The following PAPSS2 variants were observed in gnomAD, a reference collection of about 807,000 sequenced individuals.
PAPSS2 encodes the protein bifunctional 3'-phosphoadenosine 5'-phosphosulfate synthase 2.
In PAPSS2, 61 loss-of-function variants were observed where a neutral mutation model predicts 66.5. The ratio of observed to expected loss-of-function variants is 0.92; its 90% CI spans 0.75 to 1.14. PAPSS2 has a LOEUF of 1.14. PAPSS2 is among the 50% of genes most tolerant of loss of function. PAPSS2 has a pLI of 0.00. For missense variants in PAPSS2, 708 were observed against 789.6 expected, an observed-to-expected ratio of 0.90 and a Z score of 1.24; for synonymous variants, 289 against 287.5, an observed-to-expected ratio of 1.01 and a Z score of -0.05.
intron 8 of PAPSS2, among the ~76,000 whole-genome samples, chr10:87,726,676 G>A (rs7088594): frequency 0.52 from 79,089 of 151,960 alleles, 21,798 homozygotes; most frequent in East Asian, 0.71. Flanking sequence ...CCCAGATTGT[G>A]GCTGATTAGT....
At chr10:87,684,365 G>A (rs1254461971) in intron 1 of PAPSS2, among the ~76,000 whole-genome samples, 1 of 152,180 alleles carries the variant, frequency 6.6e-6, no homozygotes, top group Non-Finnish European at 1.5e-5. Flanking sequence ...TTTCACAGTT[G>A]CAAAGGTAAG....
chr10:87,703,690 T>G, intron 1 of PAPSS2: 1 of 516,810 alleles, frequency 1.9e-6, no homozygotes, highest in South Asian at 1.4e-5. Context: ...CAGGTCTGCT[T>G]GACTCCAAAA....
In PAPSS2 at chr10:87,714,874, C is replaced by T. The variant is rs748981939; in HGVS notation, c.639+11C>T. On this transcript the variant is annotated intron_variant, in intron 5 of 12. Coordinates refer to ENST00000456849, the MANE Select transcript of PAPSS2 (RefSeq NM_001015880.2). ...CTTCTGCAAGAGCAGGTAGGTGAAC[C>T]GGTTGTCTTTTTTTATATGTTTAAT... 73 of 1,533,064 alleles carry T rather than the reference C, an allele frequency of 4.8e-5. 1 individual carries two copies. The highest frequency in any genetic ancestry group is 1.6e-4 in the African/African-American group (12 of 73,300). The allele number at this position is 1,533,064 out of a possible 1,614,324, so 95.0% of individuals were successfully genotyped here.
intron 1 of PAPSS2, among the ~76,000 whole-genome samples, chr10:87,704,946 T>C (rs1853364181): frequency 6.6e-6 from 1 of 152,214 alleles, no homozygotes. Flanking sequence ...ACAGCCTCGT[T>C]TGCTTACTTT....
At chr10:87,689,446 G>A (rs1853137372) in intron 1 of PAPSS2, among the ~76,000 whole-genome samples, 1 of 151,926 alleles carries the variant, frequency 6.6e-6, no homozygotes, top group Non-Finnish European at 1.5e-5. Flanking sequence ...CGAGGCAGGT[G>A]GATCACCTGA....
intron 10 of PAPSS2, among the ~76,000 whole-genome samples, chr10:87,742,279 A>G (rs1045973640): frequency 6.6e-5 from 10 of 152,214 alleles, no homozygotes; most frequent in African/African-American, 2.2e-4. Flanking sequence ...GTTCTGGAAA[A>G]CAAAATAAAA....
At chr10:87,680,584 A>G (rs1381797132) in intron 1 of PAPSS2, among the ~76,000 whole-genome samples, 2 of 151,856 alleles carry the variant, frequency 1.3e-5, no homozygotes, top group Non-Finnish European at 2.9e-5. Context: ...GTCATGACCC[A>G]TATTTTTAAA....
At chr10:87,713,918 G>A (rs1853499837) in intron 3 of PAPSS2, 126 bp from the exon 4 acceptor site, 1 of 950,538 alleles carries the variant, frequency 1.1e-6, no homozygotes, top group African/African-American at 1.6e-5. Context: ...TTTCTCTCAA[G>A]CACTCTGCAA....
chr10:87,689,356 CA>C (rs1241667466), intron 1 of PAPSS2, among the ~76,000 whole-genome samples: 6 of 125,076 alleles, frequency 4.8e-5, no homozygotes, highest in African/African-American at 1.0e-4. Context: ...AAAAAAAAAA[CA>C]AAAAAAACCC....
At chr10:87,736,263 C>CTTTTTTTTTTTT (rs10553485) in intron 9 of PAPSS2, among the ~76,000 whole-genome samples, 23 of 103,238 alleles carry the variant, frequency 2.2e-4, no homozygotes, top group Non-Finnish European at 3.3e-4. Flanking sequence ...TTCTTTCTTT[C>CTTTTTTTTTTTT]TTTTTTTTTT....
chr10:87,685,553 T>C (rs375909837), intron 1 of PAPSS2, among the ~76,000 whole-genome samples: 12 of 152,116 alleles, frequency 7.9e-5, no homozygotes, highest in Admixed American at 4.6e-4. Flanking sequence ...CATGATGATG[T>C]ATACCTGCAG....
intron 9 of PAPSS2, among the ~76,000 whole-genome samples, chr10:87,735,508 A>C (rs1853787307): frequency 6.6e-6 from 1 of 152,212 alleles, no homozygotes; most frequent in South Asian, 2.1e-4. Context: ...CTAAGCAATG[A>C]GGAGAAAGTA....
intron 9 of PAPSS2, among the ~76,000 whole-genome samples, chr10:87,732,826 A>G (rs1311402313): frequency 6.6e-6 from 1 of 152,198 alleles, no homozygotes; most frequent in African/African-American, 2.4e-5. Flanking sequence ...TGTCTTTGAC[A>G]ATATTTTCAG....
rs1369994365 is a variant in PAPSS2, at chr10:87,744,998, C to G, written c.1492-4C>G. ...CCAGCATGTCCCTTATGGACATTTT[C>G]TAGGTCCAGTGGCACTGCAGGTCCC... is the stretch of plus-strand genomic sequence containing the variant. On this transcript the variant is annotated splice_region_variant and splice_polypyrimidine_tract_variant and intron_variant, in intron 11 of 12. Transcript: ENST00000456849. 6.2e-7 allele frequency: 1 copy of G among 1,612,742 alleles called. No homozygotes were observed. Among genetic ancestry groups the G allele is most frequent in the Non-Finnish European group, 8.5e-7 (1 of 1,178,898 alleles).
Position 87,659,898 on chromosome 10 carries a change from CTG to C in PAPSS2, c.-83_-82del, listed in dbSNP as rs1852725074. 6.4e-6 allele frequency: 9 copies of C among 1,406,476 alleles called. No individual in the cohort carries two copies. Among genetic ancestry groups the C allele is most frequent in the East Asian group, 2.3e-5 (1 of 43,094 alleles). The allele number at this position is 1,406,476 out of a possible 1,614,324, so 87.1% of individuals were successfully genotyped here. A position where few individuals can be genotyped will look rare whatever the true frequency, so the allele number is the denominator to read the frequency against. ...CCGGCAGCCGCTGCTGCTGCTGCTGCTGCTGCTGCCGCCGCCGCCGCCGCCGT... is the reference window on the plus strand; with the variant it reads ...CCGGCAGCCGCTGCTGCTGCTGCTGCCTGCTGCCGCCGCCGCCGCCGCCGT... On this transcript the variant is annotated 5_prime_UTR_variant, in exon 1 of 13. Coordinates refer to ENST00000456849, the MANE Select transcript of PAPSS2 (RefSeq NM_001015880.2).
intron 1 of PAPSS2, among the ~76,000 whole-genome samples, chr10:87,672,655 T>TA (rs1211830224): frequency 4.6e-5 from 7 of 151,374 alleles, no homozygotes; most frequent in African/African-American, 7.3e-5. Context: ...AGTGACTACT[T>TA]AAAAAAAAAG....
chr10:87,712,816 G>A (rs538639241), intron 2 of PAPSS2, among the ~76,000 whole-genome samples: 1 of 152,076 alleles, frequency 6.6e-6, no homozygotes, highest in East Asian at 1.9e-4. Context: ...AACACATCGA[G>A]GACCACATGT....
At chr10:87,720,489 T>C (rs1853580642) in intron 7 of PAPSS2, among the ~76,000 whole-genome samples, 1 of 152,254 alleles carries the variant, frequency 6.6e-6, no homozygotes, top group East Asian at 1.9e-4. Flanking sequence ...TATCATTTAA[T>C]TGTAACCAAT....
chr10:87,709,689 T>C (rs1025300816), intron 2 of PAPSS2, among the ~76,000 whole-genome samples: 3 of 152,240 alleles, frequency 2.0e-5, no homozygotes, highest in African/African-American at 7.2e-5. Context: ...TAATTTGACA[T>C]CAAGCATTTG....
Sources: allele counts gnomAD v4.1 joint callset (sites outside exome capture counted in the v4.1 genomes callset), GRCh38; gene constraint gnomAD v4.1.1; transcripts MANE v1.5; gene names NCBI Gene and HGNC (gene_info 2026-07-23, HGNC 2026-07-21).